CFAP74: variants seen among roughly 807,000 people sequenced by gnomAD.
CFAP74 encodes the protein cilia and flagella associated protein 74, also known as cilia- and flagella-associated protein 74.
A neutral mutation model predicts 188.9 loss-of-function variants in CFAP74; 124 were observed. The ratio of observed to expected loss-of-function variants is 0.66; its 90% CI spans 0.57 to 0.76. The LOEUF (loss-of-function observed/expected upper bound fraction) is 0.76, where lower values mean the gene tolerates loss of function less well. Ranked by LOEUF, CFAP74 falls within the 30% of genes least tolerant of loss-of-function variation. The pLI is 0.00. For missense variants in CFAP74, 2,198 were observed against 2,165.2 expected (o/e 1.02, Z -0.30); for synonymous variants, 956 against 916.7 (o/e 1.04, Z -0.77).
In CFAP74 at chr1:1,956,631, C is replaced by A. The variant is rs1256012720; in HGVS notation, c.2005G>T (p.Ala669Ser). ...AGTGGCACACTCACTAATTTCAGGG[C>A]AGACTGGGAGTCGTCCATCTCACAG... ...EPCEMDDSQS[A>S]LKLSSLLTYE... Residue 669 changes from alanine to serine, a missense_variant, in exon 17 of 39, where the codon GCC (alanine) becomes TCC (serine). Physicochemically the swap from Ala to Ser is moderately conservative, Grantham distance 99 (BLOSUM62 1). Coordinates refer to ENST00000682832, the MANE Select transcript of CFAP74 (RefSeq NM_001304360.2). 7 of 1,614,050 alleles carry A rather than the reference C, an allele frequency of 4.3e-6. No individual in the cohort carries two copies. Among genetic ancestry groups the A allele is most frequent in the Non-Finnish European group, 5.9e-6 (7 of 1,180,046 alleles).
intron 2 of CFAP74, among the ~76,000 whole-genome samples, chr1:1,990,300 T>C (rs1441942778): frequency 6.6e-6 from 1 of 151,410 alleles, no homozygotes; most frequent in African/African-American, 2.4e-5. Context: ...GGGAACACAG[T>C]TTTTCTTCCC....
At chr1:1,934,346 A>G (rs1277805535) in intron 25 of CFAP74, among the ~76,000 whole-genome samples, 29 of 135,022 alleles carry the variant, frequency 2.1e-4, no homozygotes, top group Non-Finnish European at 2.6e-4. Flanking sequence ...ACACAGGTGT[A>G]TACGTGGGTG....
chr1:1,987,924 G>A (rs561387669), intron 4 of CFAP74: 70 of 344,398 alleles, frequency 2.0e-4, no homozygotes, highest in African/African-American at 1.4e-3. Context: ...CCCAAGTTAG[G>A]TGCCCGAGTT....
At chr1:1,940,624 G>T (rs1002871876) in intron 22 of CFAP74, among the ~76,000 whole-genome samples, 4 of 152,204 alleles carry the variant, frequency 2.6e-5, no homozygotes, top group African/African-American at 9.7e-5. Flanking sequence ...TAAGTAGCCA[G>T]TCACTCCCGG....
At chr1:1,996,997 A>G (rs1360555311) in intron 1 of CFAP74, among the ~76,000 whole-genome samples, 2 of 152,126 alleles carry the variant, frequency 1.3e-5, no homozygotes, top group African/African-American at 4.8e-5. Flanking sequence ...ATATATACCA[A>G]AAATTACCAC....
chr1:1,951,219 A>G lies in CFAP74; in HGVS notation c.2177-4165T>C, dbSNP rs1174901908. ...GAGGTGAGAGCATGTTTATAACATC[A>G]TCAGATCTCATGAGAATTCACTCAC... On this transcript the variant is annotated intron_variant, in intron 18 of 38. Coordinates refer to ENST00000682832, the MANE Select transcript of CFAP74 (RefSeq NM_001304360.2). Among the ~76,000 whole-genome samples the G allele has an allele frequency of 2.0e-5, 3 of 152,200 alleles. No homozygotes were observed. The East Asian group carries it at 5.8e-4, about 29-fold the overall frequency.
chr1:1,924,010 T>C (rs1651613001), intron 34 of CFAP74, 81 bp from the exon 35 acceptor site: 7 of 1,444,746 alleles, frequency 4.8e-6, no homozygotes, highest in Non-Finnish European at 6.6e-6. Context: ...CATAGAGCTC[T>C]ACACCCTGCC....
intron 29 of CFAP74, 23 bp from the exon 30 acceptor site, chr1:1,926,784 A>T (rs974146433): frequency 2.6e-6 from 4 of 1,546,640 alleles, no homozygotes; most frequent in Non-Finnish European, 8.7e-7. Flanking sequence ...GGGCATGCTG[A>T]GGGCAGGGTG....
chr1:1,959,973 G>A lies in CFAP74; in HGVS notation c.1752C>T (p.Phe584=), dbSNP rs375265135. ...AGMSCEVLVT[F]KPMINKDLEG... ...GGCCCCTCTGACTCACCATCGGCTT[G>A]AAGGTGACAAGCACTTCACAGGACA... Residue 584 remains phenylalanine (F), a synonymous_variant, in exon 15 of 39, where the codon TTC becomes TTT. Coordinates refer to ENST00000682832, the MANE Select transcript of CFAP74 (RefSeq NM_001304360.2). 1.4e-5 allele frequency: 22 copies of A among 1,593,474 alleles called. No homozygotes were observed. Among genetic ancestry groups the A allele is most frequent in the Non-Finnish European group, 1.5e-5 (18 of 1,171,106 alleles).
chr1:1,955,768 TC>T lies in CFAP74; in HGVS notation c.2098del (p.Glu700SerfsTer31). On this transcript the variant is annotated frameshift_variant, in exon 18 of 39. Coordinates refer to ENST00000682832, the MANE Select transcript of CFAP74 (RefSeq NM_001304360.2). LOFTEE classifies it high-confidence loss of function. The part of the protein sequence containing the change: ...SFSEQQLEGT[E>X]SSQADMQSRK... Reference sequence around the variant, plus strand: ...GCTCTGCATGTCCGCCTGGGAGGACTCCGTGCCCTCTAGCTGCTGCTCAGAG... The same window carrying T: ...GCTCTGCATGTCCGCCTGGGAGGACTCGTGCCCTCTAGCTGCTGCTCAGAG... 6.2e-7 allele frequency: 1 copy of T among 1,614,244 alleles called. No individual in the cohort carries two copies.
At chr1:1,971,575 T>A (rs1007570814) in intron 9 of CFAP74, among the ~76,000 whole-genome samples, 2 of 152,246 alleles carry the variant, frequency 1.3e-5, no homozygotes, top group African/African-American at 4.8e-5. Flanking sequence ...GCACGTCACC[T>A]GCCCGCCTCT....
chr1:1,955,117 C>T (rs1031259901), intron 18 of CFAP74: 31 of 1,159,498 alleles, frequency 2.7e-5, no homozygotes, highest in African/African-American at 1.4e-4. Flanking sequence ...CCCAGCTCCG[C>T]GCTGAGCTGC....
intron 1 of CFAP74, among the ~76,000 whole-genome samples, chr1:1,999,143 T>C (rs1026485803): frequency 3.9e-5 from 6 of 152,112 alleles, no homozygotes; most frequent in African/African-American, 1.4e-4. Flanking sequence ...GGGGAAGGGG[T>C]GCCCCACCAG....
chr1:1,961,136 C>T (rs933436040), intron 14 of CFAP74, among the ~76,000 whole-genome samples: 2 of 151,952 alleles, frequency 1.3e-5, no homozygotes, highest in Non-Finnish European at 2.9e-5. Context: ...GAGCACCACC[C>T]AATGCGAAAA....
intron 16 of CFAP74, among the ~76,000 whole-genome samples, chr1:1,957,836 C>A (rs1654767019): frequency 6.6e-6 from 1 of 152,152 alleles, no homozygotes; most frequent in East Asian, 1.9e-4. Flanking sequence ...TCTTGGCTCA[C>A]CAAGAGCCCG....
At chr1:1,927,110 A>AGGGTCCCAGGCAG in intron 28 of CFAP74, 82 bp from the exon 29 acceptor site, 1 of 1,397,242 alleles carries the variant, frequency 7.2e-7, no homozygotes, top group Non-Finnish European at 9.7e-7. Flanking sequence ...GCTCTGCCTC[A>AGGGTCCCAGGCAG]GGGTCCCAGG....
intron 18 of CFAP74, among the ~76,000 whole-genome samples, chr1:1,950,621 T>G (rs1654148903): frequency 6.6e-6 from 1 of 152,226 alleles, no homozygotes; most frequent in Non-Finnish European, 1.5e-5. Context: ...ATTACAGGTG[T>G]GAGCCACCGC....
At chr1:1,932,193 G>A (rs1238883553) in intron 25 of CFAP74, among the ~76,000 whole-genome samples, 2 of 151,436 alleles carry the variant, frequency 1.3e-5, no homozygotes, top group Non-Finnish European at 2.9e-5. Flanking sequence ...TCAGGAGATC[G>A]AGACCATCCT....
chr1:1,939,036 G>A, intron 24 of CFAP74, 48 bp from the exon 25 acceptor site: 1 of 1,519,886 alleles, frequency 6.6e-7, no homozygotes, highest in Non-Finnish European at 8.8e-7. Context: ...GAGACCATGT[G>A]GACACACGTG....
Sources: allele counts gnomAD v4.1 joint callset (sites outside exome capture counted in the v4.1 genomes callset), GRCh38; gene constraint gnomAD v4.1.1; transcripts MANE v1.5; gene names NCBI Gene and HGNC (gene_info 2026-07-23, HGNC 2026-07-21).